The following NUP155 variants were observed in gnomAD, a reference collection of about 807,000 sequenced individuals.
NUP155 encodes nucleoporin 155, also known as nuclear pore complex protein Nup155.
A neutral mutation model predicts 180.4 loss-of-function variants in NUP155; 71 were observed. The ratio of observed to expected loss-of-function variants is 0.39; its 90% CI spans 0.33 to 0.48. The LOEUF (loss-of-function observed/expected upper bound fraction) is 0.48. NUP155 is among the 20% of genes least tolerant of loss of function. The pLI is 0.91. For missense variants in NUP155, 1,553 were observed against 1,648.9 expected (o/e 0.94, Z 1.01); for synonymous variants, 582 against 559.5 (o/e 1.04, Z -0.57).
chr5:37,333,772 C>A, intron 12 of NUP155, 139 bp from the exon 13 acceptor site: 1 of 690,616 alleles, frequency 1.4e-6, no homozygotes, highest in Admixed American at 2.9e-5. Context: ...ATGTAATTTT[C>A]TACTATCTTT....
intron 10 of NUP155, among the ~76,000 whole-genome samples, chr5:37,342,200 A>G (rs217783): frequency 0.029 from 4,367 of 152,060 alleles, 223 homozygotes; most frequent in African/African-American, 0.099. Context: ...CATCACACCT[A>G]GCTAATTTTT....
intron 14 of NUP155, among the ~76,000 whole-genome samples, chr5:37,330,920 C>A (rs541874973): frequency 6.6e-6 from 1 of 151,352 alleles, no homozygotes; most frequent in African/African-American, 2.4e-5. Flanking sequence ...CAGGCCGAGG[C>A]GGGTGGATCA....
At position 37,343,084 on chromosome 5, in the gene NUP155, C is replaced by CT. The variant is rs945456747; in HGVS notation, c.996-439dup. On this transcript the variant is annotated intron_variant, in intron 9 of 34. Transcript: ENST00000231498. ...ATATTTTCTTTTTTTTTTCTTTTTT[C>CT]TTTTTTTTGAGACGGAGTCTTGCTC... is the stretch of plus-strand genomic sequence containing the variant. Among the ~76,000 whole-genome samples, 341 of 146,370 alleles carry CT rather than the reference C, an allele frequency of 2.3e-3. 3 individuals are homozygous for CT. Among genetic ancestry groups the CT allele is most frequent in the African/African-American group, 8.3e-3 (332 of 39,928 alleles).
intron 7 of NUP155, 54 bp downstream of exon 7, chr5:37,350,106 G>A: frequency 8.6e-7 from 1 of 1,163,604 alleles, no homozygotes; most frequent in South Asian, 1.2e-5. Flanking sequence ...AACGTTGAGG[G>A]AACAATGTGT....
intron 22 of NUP155, among the ~76,000 whole-genome samples, chr5:37,311,557 TG>T (rs1317604182): frequency 6.6e-6 from 1 of 151,866 alleles, no homozygotes; most frequent in Non-Finnish European, 1.5e-5. Flanking sequence ...TGGACACTAG[TG>T]GAAAGAATGA....
At position 37,309,205 on chromosome 5, in the gene NUP155, T is replaced by C; in HGVS notation, c.2691A>G (p.Leu897=). Residue 897 remains leucine (L), a synonymous_variant, in exon 24 of 35, where the codon TTA becomes TTG. Coordinates refer to ENST00000231498, the MANE Select transcript of NUP155 (RefSeq NM_153485.3). The part of the protein sequence containing the change: ...VQNKTEKERM[L]RESLKEYQKI... ...TTTGATATTCCTTTAATGATTCCCT[T>C]AACATTCTTTCTTTTTCAGTCTTAT... The C allele has an allele frequency of 2.5e-6, 4 of 1,613,574 alleles. No individual in the cohort carries two copies. Among genetic ancestry groups the C allele is most frequent in the Admixed American group, 1.7e-5 (1 of 60,016 alleles).
At chr5:37,345,280 C>A (rs1417589737) in intron 9 of NUP155, among the ~76,000 whole-genome samples, 2 of 151,714 alleles carry the variant, frequency 1.3e-5, no homozygotes, top group Non-Finnish European at 2.9e-5. Flanking sequence ...CTGAGACATG[C>A]GGATTGCTTG....
At chr5:37,369,819 C>T (rs900484205) in intron 1 of NUP155, among the ~76,000 whole-genome samples, 2 of 152,228 alleles carry the variant, frequency 1.3e-5, no homozygotes, top group Non-Finnish European at 2.9e-5. Context: ...TCTTACACTT[C>T]GCTGGTTTTC....
In NUP155 at chr5:37,371,052, G is replaced by T. The variant is rs993920213; in HGVS notation, c.-75C>A. The T allele has an allele frequency of 2.6e-6, 4 of 1,518,282 alleles. No homozygotes were observed. The highest frequency in any genetic ancestry group is 3.6e-6 in the Non-Finnish European group (4 of 1,107,488). 94.1% of individuals were successfully genotyped at this position (1,518,282 alleles called of 1,614,324 possible). ...AAACAAGAAAAGATCCAAGAAGTTA[G>T]CTTAGATCCGCCGCCTAGGGCGCGC... On this transcript the variant is annotated 5_prime_UTR_variant, in exon 1 of 35. Transcript: ENST00000231498.
chr5:37,310,846 C>T (rs912619077), intron 22 of NUP155, 103 bp from the exon 23 acceptor site: 11 of 969,482 alleles, frequency 1.1e-5, no homozygotes, highest in Non-Finnish European at 1.5e-5. Flanking sequence ...TTAATAGACT[C>T]TATAATTGAA....
At position 37,360,550 on chromosome 5, in the gene NUP155, C is replaced by T. The variant is rs539038817; in HGVS notation, c.393-2399G>A. Among the ~76,000 whole-genome samples the T allele has an allele frequency of 7.2e-5, 11 of 151,980 alleles. No individual in the cohort carries two copies. In the East Asian group the frequency reaches 1.9e-3, roughly 27 times the overall value. ...CTTGTAATCCCAGCACTTTGGGAGG[C>T]TGAGGTGGGCAGGTCACCTGAGGTC... On this transcript the variant is annotated intron_variant, in intron 3 of 34. Coordinates refer to ENST00000231498, the MANE Select transcript of NUP155 (RefSeq NM_153485.3).
At chr5:37,319,155 GAT>G (rs1358796349) in intron 20 of NUP155, among the ~76,000 whole-genome samples, 1 of 152,186 alleles carries the variant, frequency 6.6e-6, no homozygotes, top group Non-Finnish European at 1.5e-5. Flanking sequence ...CATCTACAGA[GAT>G]AGAGCAGATC....
chr5:37,293,130 T>C (rs1742323224), intron 33 of NUP155, 145 bp from the exon 34 acceptor site: 1 of 628,232 alleles, frequency 1.6e-6, no homozygotes, highest in Admixed American at 2.9e-5. Context: ...CTAAATTATA[T>C]ATCTGATTAT....
rs182750726 is a variant in NUP155, at chr5:37,294,268, A to G, written c.3930+61T>C. 523 of 1,185,902 alleles carry G rather than the reference A, an allele frequency of 4.4e-4. 2 individuals carry two copies. The highest frequency in any genetic ancestry group is 4.0e-3 in the Admixed American group (195 of 49,194). 73.5% of individuals were successfully genotyped at this position (1,185,902 alleles called of 1,614,324 possible). On this transcript the variant is annotated intron_variant, in intron 33 of 34. Coordinates refer to ENST00000231498, the MANE Select transcript of NUP155 (RefSeq NM_153485.3). ...AAATGCAATCAAAATACCCCACTCT[A>G]TATCTACAAAGTTACTTTAATTAAA...
At chr5:37,355,819 C>A (rs868386875) in intron 4 of NUP155, among the ~76,000 whole-genome samples, 4 of 151,944 alleles carry the variant, frequency 2.6e-5, no homozygotes, top group Middle Eastern at 3.4e-3. Context: ...ACCTCATGAT[C>A]CACCCACCTT....
chr5:37,299,784 C>T (rs762254579), intron 30 of NUP155, among the ~76,000 whole-genome samples: 2 of 151,864 alleles, frequency 1.3e-5, no homozygotes, highest in African/African-American at 2.4e-5. Context: ...CCTGTAATCC[C>T]AGCACTTTAA....
At chr5:37,325,689 AC>A (rs1391843023) in intron 19 of NUP155, among the ~76,000 whole-genome samples, 1 of 136,416 alleles carries the variant, frequency 7.3e-6, no homozygotes, top group African/African-American at 2.8e-5. Flanking sequence ...GGATCGCTTG[AC>A]CCCAGAGGGC....
intron 1 of NUP155, among the ~76,000 whole-genome samples, chr5:37,368,579 G>A (rs905737612): frequency 5.3e-5 from 8 of 151,734 alleles, no homozygotes; most frequent in Non-Finnish European, 1.2e-4. Flanking sequence ...CAACACTTTG[G>A]GAGGCCGAGG....
chr5:37,349,397 T>C, intron 7 of NUP155, 152 bp from the exon 8 acceptor site: 1 of 333,750 alleles, frequency 3.0e-6, no homozygotes, highest in Non-Finnish European at 5.6e-6. Context: ...CTAGGATGTT[T>C]GCATAAGATC....
Sources: gnomAD v4.1 joint callset for allele counts (sites outside exome capture counted in the v4.1 genomes callset) on GRCh38, gnomAD v4.1.1 for gene constraint, MANE v1.5 for transcripts, NCBI Gene and HGNC (gene_info 2026-07-23, HGNC 2026-07-21) for gene names.